Variants in NUGGC observed in about 807,000 individuals in gnomAD.
NUGGC encodes the protein nuclear GTPase SLIP-GC.
A neutral mutation model predicts 92.6 loss-of-function variants in NUGGC; 58 were observed. The observed-to-expected ratio is 0.63, with a 90% CI of 0.51 to 0.78. The LOEUF (loss-of-function observed/expected upper bound fraction) is 0.78. Ranked by LOEUF, NUGGC falls within the 30% of genes least tolerant of loss-of-function variation. The pLI, the probability that NUGGC is intolerant of heterozygous loss-of-function variation, is 0.00. For synonymous variants in NUGGC, 376 were observed against 366.4 expected (o/e 1.03, Z -0.30); for missense variants, 925 against 964.6 (o/e 0.96, Z 0.54).
In NUGGC at chr8:28,045,569, C is replaced by T. The variant is rs1332444309; in HGVS notation, c.1404G>A (p.Leu468=). The T allele has an allele frequency of 1.2e-6, 2 of 1,612,928 alleles. No individual in the cohort carries two copies. Among genetic ancestry groups the T allele is most frequent in the Admixed American group, 1.7e-5 (1 of 60,016 alleles). ...AGTTGAAACTATCTGTGAGGAGCAACAGGCCAAAGGCTTCAGTCACATACT... is the reference window on the plus strand; with the variant it reads ...AGTTGAAACTATCTGTGAGGAGCAATAGGCCAAAGGCTTCAGTCACATACT... The part of the protein sequence containing the change: ...VTKYVTEAFG[L]LLLTDSFNST... The change falls in exon 12 of 19, where the codon CTG becomes CTA. Residue 468 remains leucine, a synonymous_variant. Transcript: ENST00000413272.
At chr8:28,061,714 C>T (rs1217437250) in intron 7 of NUGGC, among the ~76,000 whole-genome samples, 1 of 152,088 alleles carries the variant, frequency 6.6e-6, no homozygotes, top group Non-Finnish European at 1.5e-5. Context: ...TATCAGGATG[C>T]AATTCTATGG....
intron 10 of NUGGC, among the ~76,000 whole-genome samples, chr8:28,054,704 A>T (rs1057381819): frequency 9.9e-5 from 15 of 152,080 alleles, no homozygotes; most frequent in Admixed American, 3.3e-4. Flanking sequence ...CTGCCTCAAA[A>T]GTGCCTTCTC....
intron 10 of NUGGC, among the ~76,000 whole-genome samples, chr8:28,049,240 C>T (rs534140231): frequency 5.3e-5 from 8 of 152,178 alleles, no homozygotes; most frequent in Middle Eastern, 3.4e-3. Context: ...AGAAGCCCAC[C>T]CCCACCAACC....
chr8:28,047,451 G>T, intron 11 of NUGGC, 56 bp downstream of exon 11: 1 of 1,138,292 alleles, frequency 8.8e-7, no homozygotes, highest in Non-Finnish European at 1.3e-6. Flanking sequence ...GAAATTCGAA[G>T]TGCCAAGCTT....
chr8:28,071,862 A>G (rs1450872820), intron 2 of NUGGC, among the ~76,000 whole-genome samples: 1 of 152,126 alleles, frequency 6.6e-6, no homozygotes, highest in African/African-American at 2.4e-5. Context: ...CCCAAGAATC[A>G]CAGGGAGGCC....
At chr8:28,073,181 T>TC (rs1397083867) in intron 2 of NUGGC, among the ~76,000 whole-genome samples, 1 of 149,208 alleles carries the variant, frequency 6.7e-6, no homozygotes, top group Non-Finnish European at 1.5e-5. Flanking sequence ...TTTTTTTCTT[T>TC]TTTTTTTTTT....
Position 28,045,540 on chromosome 8 carries a change from G to T in NUGGC, c.1433C>A (p.Thr478Lys). The change falls in exon 12 of 19, where the codon ACG becomes AAG. Residue 478 changes from threonine (T) to lysine (K), a missense_variant. Thr to Lys is a moderately conservative substitution (Grantham distance 78). Coordinates refer to ENST00000413272, the MANE Select transcript of NUGGC (RefSeq NM_001010906.2). The stretch of plus-strand genomic sequence containing the variant: ...TGTCTTCCATACCGGCAGGTTTTGC[G>T]TGGAGTTGAAACTATCTGTGAGGAG... ...LLLLTDSFNS[T>K]QNLPNEHLHM... 1 of 1,612,102 alleles carries T rather than the reference G, an allele frequency of 6.2e-7. No individual in the cohort carries two copies. Among genetic ancestry groups the T allele is most frequent in the East Asian group, 2.2e-5 (1 of 44,844 alleles).
At chr8:28,038,716 G>C (rs1809617593) in intron 13 of NUGGC, among the ~76,000 whole-genome samples, 1 of 152,152 alleles carries the variant, frequency 6.6e-6, no homozygotes, top group Non-Finnish European at 1.5e-5. Context: ...TAACTGGTTG[G>C]CAAATACAAG....
intron 12 of NUGGC, among the ~76,000 whole-genome samples, chr8:28,045,169 C>T (rs1199712297): frequency 6.6e-6 from 1 of 152,124 alleles, no homozygotes; most frequent in East Asian, 1.9e-4. Context: ...TACATAAACA[C>T]GCCTCTCCAG....
At chr8:28,048,274 G>T (rs1585572598) in intron 10 of NUGGC, among the ~76,000 whole-genome samples, 1 of 152,292 alleles carries the variant, frequency 6.6e-6, no homozygotes, top group East Asian at 1.9e-4. Context: ...TCACAAGGTG[G>T]TTGTCACTGC....
chr8:28,039,411 T>C (rs1446116647), intron 13 of NUGGC, among the ~76,000 whole-genome samples: 1 of 152,130 alleles, frequency 6.6e-6, no homozygotes, highest in African/African-American at 2.4e-5. Context: ...TTTGTATTTT[T>C]AGTAGAGACT....
chr8:28,038,101 T>C (rs545427635), intron 13 of NUGGC, among the ~76,000 whole-genome samples: 2 of 152,320 alleles, frequency 1.3e-5, no homozygotes, highest in South Asian at 4.1e-4. Context: ...CTCTCTTCCC[T>C]TGGCTCTCGG....
intron 15 of NUGGC, among the ~76,000 whole-genome samples, 165 bp from the exon 16 acceptor site, chr8:28,030,583 A>G (rs1276086393): frequency 6.6e-6 from 1 of 152,136 alleles, no homozygotes; most frequent in Non-Finnish European, 1.5e-5. Context: ...ATAGGCAGGA[A>G]CTCTGTTCTA....
rs567916925 is a variant in NUGGC, at chr8:28,061,795, G to C, written c.922-1194C>G. Among the ~76,000 whole-genome samples the C allele has an allele frequency of 5.9e-5, 9 of 152,230 alleles. No homozygotes were observed. In the East Asian group the frequency reaches 1.5e-3, roughly 26 times the overall value. ...TTTTAATTGTGACAACCTTGGGGGG[G>C]TACTTGAAGGTAAAGGCCGAGGATG... is the stretch of plus-strand genomic sequence containing the variant. On this transcript the variant is annotated intron_variant, in intron 7 of 18. Transcript: ENST00000413272.
chr8:28,039,849 G>A (rs987657814), intron 13 of NUGGC, among the ~76,000 whole-genome samples: 22 of 152,296 alleles, frequency 1.4e-4, no homozygotes, highest in African/African-American at 4.6e-4. Context: ...GTTCACATGC[G>A]AAGCCCTAAC....
intron 10 of NUGGC, among the ~76,000 whole-genome samples, chr8:28,051,591 T>C (rs1810002077): frequency 1.3e-5 from 2 of 152,260 alleles, no homozygotes; most frequent in South Asian, 2.1e-4. Flanking sequence ...CTTTGTGAAT[T>C]AGGTTAAAAT....
At chr8:28,064,758 C>T in intron 6 of NUGGC, 27 bp from the exon 7 acceptor site, 1 of 1,594,410 alleles carries the variant, frequency 6.3e-7, no homozygotes, top group Non-Finnish European at 8.6e-7. Flanking sequence ...GAGTCACACA[C>T]ACCAGCCATG....
rs1417419456 is a variant in NUGGC at position 28,041,196 on chromosome 8, C to T, written c.1466G>A (p.Ser489Asn). Residue 489 changes from serine (S) to asparagine (N), a missense_variant, in exon 13 of 19, where the codon AGT becomes AAT. Coordinates refer to ENST00000413272, the MANE Select transcript of NUGGC (RefSeq NM_001010906.2). ...CTCTTCCGCAAATCTCCGCAGGACA[C>T]TCATGTGCAAGTGTTCATTCTAGGG... ...QNLPNEHLHMSVLRRFAEEKV... is the reference protein window; with the variant it reads ...QNLPNEHLHMNVLRRFAEEKV... The T allele has an allele frequency of 1.2e-5, 20 of 1,610,936 alleles. No homozygotes were observed. Among genetic ancestry groups the T allele is most frequent in the South Asian group, 2.2e-5 (2 of 89,928 alleles).
In NUGGC at chr8:28,031,399, A is replaced by C; in HGVS notation, c.1770-18T>G. On this transcript the variant is annotated intron_variant, in intron 14 of 18. Coordinates refer to ENST00000413272, the MANE Select transcript of NUGGC (RefSeq NM_001010906.2). ...TCCCCGTCCTACGGAAGAAAGTGAC[A>C]AAAAAGTTTAAGAGAATGGTGGCTG... 2.5e-6 allele frequency: 4 copies of C among 1,611,122 alleles called. No individual in the cohort carries two copies. The South Asian group carries it at 4.4e-5, about 18-fold the overall frequency.
Sources: allele counts gnomAD v4.1 joint callset (sites outside exome capture counted in the v4.1 genomes callset), GRCh38; gene constraint gnomAD v4.1.1; transcripts MANE v1.5; gene names NCBI Gene and HGNC (gene_info 2026-07-23, HGNC 2026-07-21).